CEP63: variants seen among roughly 807,000 people sequenced by gnomAD.
The protein encoded by CEP63 is centrosomal protein of 63 kDa.
Under a neutral mutation model 89.1 loss-of-function variants are expected in CEP63, and 84 were observed. The ratio of observed to expected loss-of-function variants is 0.94; its 90% CI spans 0.79 to 1.13. CEP63 has a LOEUF of 1.13. Among genes scored for constraint, CEP63 ranks in the 50% most tolerant of loss-of-function variants. CEP63 has a pLI of 0.00. For synonymous variants in CEP63, 267 were observed against 272.5 expected (o/e 0.98, Z 0.20); for missense variants, 838 against 813.3 (o/e 1.03, Z -0.37).
At chr3:134,546,433 A>G (rs1953335038) in intron 8 of CEP63, 145 bp downstream of exon 8, 3 of 739,746 alleles carry the variant, frequency 4.1e-6, no homozygotes, top group African/African-American at 1.8e-5. Context: ...ATCTCAGCTC[A>G]CTGCAACCTC....
the CEP63 span, among the ~76,000 whole-genome samples, chr3:134,750,246 G>A: frequency 6.6e-6 from 1 of 152,176 alleles, no homozygotes; most frequent in Non-Finnish European, 1.5e-5. Context: ...GTGCTGGGAA[G>A]GGCCCCTGGC....
At chr3:134,498,674 A>G (rs988800346) in intron 2 of CEP63, among the ~76,000 whole-genome samples, 12 of 152,190 alleles carry the variant, frequency 7.9e-5, no homozygotes, top group African/African-American at 2.9e-4. Context: ...CCCATCCAGT[A>G]TAATGATACC....
rs1935206902 is a variant in CEP63 at position 134,486,157 on chromosome 3, T to A, written c.-71T>A. The A allele has an allele frequency of 1.0e-6, 1 of 985,490 alleles. No individual in the cohort carries two copies. Among genetic ancestry groups the A allele is most frequent in the Admixed American group, 6.1e-5 (1 of 16,270 alleles). The allele number at this position is 985,490 out of a possible 1,614,324, so 61.0% of individuals were successfully genotyped here. ...GAACAAACGCGCCGACTACAGAGGCTGGACGTAAGCTTAGCGGTGGCGCGC... is the reference window on the plus strand; with the variant it reads ...GAACAAACGCGCCGACTACAGAGGCAGGACGTAAGCTTAGCGGTGGCGCGC... On this transcript the variant is annotated 5_prime_UTR_variant, in exon 1 of 15. Coordinates refer to ENST00000675561, the MANE Select transcript of CEP63 (RefSeq NM_001353108.3).
At chr3:134,569,426 TGGCCAAAACAAG>T (rs1363345276), downstream of CEP63, among the ~76,000 whole-genome samples, 1 of 152,212 alleles carries the variant, frequency 6.6e-6, no homozygotes, top group African/African-American at 2.4e-5. Context: ...TGGGAGAAAT[TGGCCAAAACAAG>T]GGGGCTGCAG....
the CEP63 span, among the ~76,000 whole-genome samples, chr3:134,708,138 AC>A: frequency 6.6e-6 from 1 of 152,148 alleles, no homozygotes; most frequent in Admixed American, 6.5e-5. Flanking sequence ...CAATCCTTGC[AC>A]CCTTGCTTGC....
At position 134,564,400 on chromosome 3, in the gene CEP63, TCCC is replaced by T; in HGVS notation, c.*2867_*2869del. ...TCTGGCTTGGCAAAGCTTTCCCATA[TCCC>T]CTGACCCATGTCAGGGAACGTTTCT... is the stretch of plus-strand genomic sequence containing the variant. On this transcript the variant is annotated 3_prime_UTR_variant, in exon 15 of 15. Coordinates refer to ENST00000675561, the MANE Select transcript of CEP63 (RefSeq NM_001353108.3). The T allele has an allele frequency of 1.0e-6, 1 of 985,408 alleles. No homozygotes were observed. Among genetic ancestry groups the T allele is most frequent in the Non-Finnish European group, 1.2e-6 (1 of 829,946 alleles). 61.0% of individuals were successfully genotyped at this position (985,408 alleles called of 1,614,324 possible).
At chr3:134,503,271 C>T (rs969040885) in intron 2 of CEP63, among the ~76,000 whole-genome samples, 1 of 151,862 alleles carries the variant, frequency 6.6e-6, no homozygotes, top group East Asian at 1.9e-4. Context: ...TCTTCACTGA[C>T]CCAGTGGTCA....
chr3:134,604,993 G>A, the CEP63 span, among the ~76,000 whole-genome samples: 2 of 152,052 alleles, frequency 1.3e-5, no homozygotes, highest in African/African-American at 4.8e-5. Flanking sequence ...GTTGGGGTGG[G>A]GCAGTTCCCT....
At chr3:134,490,595 G>A (rs1390178688) in intron 1 of CEP63, among the ~76,000 whole-genome samples, 1 of 151,574 alleles carries the variant, frequency 6.6e-6, no homozygotes, top group Admixed American at 6.6e-5. Context: ...TTTCAGTACT[G>A]CTTTTTTCCC....
chr3:134,707,968 T>C, the CEP63 span, among the ~76,000 whole-genome samples: 4 of 152,114 alleles, frequency 2.6e-5, no homozygotes, highest in African/African-American at 7.2e-5. Flanking sequence ...CTTTCACTGA[T>C]TGGGGTAAGA....
At chr3:134,629,305 T>G in the CEP63 span, 1 of 339,612 alleles carries the variant, frequency 2.9e-6, no homozygotes, top group African/African-American at 2.0e-5. Flanking sequence ...ACTTAGCATT[T>G]TGCATGCCAC....
the CEP63 span, among the ~76,000 whole-genome samples, chr3:134,639,538 G>A: frequency 6.6e-6 from 1 of 152,302 alleles, no homozygotes; most frequent in African/African-American, 2.4e-5. Flanking sequence ...TGGAAACATG[G>A]CAGTTTGACC....
At chr3:134,652,780 A>C in the CEP63 span, among the ~76,000 whole-genome samples, 2 of 152,162 alleles carry the variant, frequency 1.3e-5, no homozygotes, top group African/African-American at 4.8e-5. Flanking sequence ...CTCAGGTCCC[A>C]GAGTCCCCCC....
intron 1 of CEP63, among the ~76,000 whole-genome samples, chr3:134,492,070 C>CTTTTTTTTTTTTTTT (rs74269453): frequency 9.6e-6 from 1 of 103,682 alleles, no homozygotes. Flanking sequence ...TATTTGTATT[C>CTTTTTTTTTTTTTTT]TTTTTTTTTT....
the CEP63 span, among the ~76,000 whole-genome samples, chr3:134,593,441 G>C: frequency 2.0e-5 from 3 of 152,190 alleles, no homozygotes; most frequent in Non-Finnish European, 4.4e-5. Flanking sequence ...GGGAGGTTCA[G>C]TAACTTGCAC....
chr3:134,642,005 G>C, the CEP63 span, among the ~76,000 whole-genome samples: 7 of 152,168 alleles, frequency 4.6e-5, no homozygotes, highest in East Asian at 9.6e-4. Context: ...GCATGGGCTT[G>C]TCCTTGTAGT....
Position 134,561,391 on chromosome 3 carries a change from A to C in CEP63, c.1968A>C (p.Val656=). Residue 656 remains valine, a synonymous_variant, in exon 15 of 15, where the codon GTA becomes GTC. Transcript: ENST00000675561. ...GTCTCTTCCAGTGTTCCTTGCCTGT[A>C]TCTCCCCTTGGTTCAATAGCTACCA... ...EEFISSCSLP[V]SPLGSIATRF... The C allele has an allele frequency of 6.2e-7, 1 of 1,613,948 alleles. No individual in the cohort carries two copies. The highest frequency in any genetic ancestry group is 2.2e-5 in the East Asian group (1 of 44,852).
At chr3:134,620,880 T>C in the CEP63 span, 23 of 1,483,280 alleles carry the variant, frequency 1.6e-5, no homozygotes, top group Non-Finnish European at 1.6e-5. Context: ...AAGGGTGTGC[T>C]GTATTAGGGC....
At chr3:134,559,703 C>T (rs577721135) in intron 14 of CEP63, among the ~76,000 whole-genome samples, 23 of 152,206 alleles carry the variant, frequency 1.5e-4, no homozygotes, top group African/African-American at 5.5e-4. Flanking sequence ...CAGTGATGCT[C>T]AATTTTCTTC....
Sources: gnomAD v4.1 joint callset for allele counts (sites outside exome capture counted in the v4.1 genomes callset) on GRCh38, gnomAD v4.1.1 for gene constraint, MANE v1.5 for transcripts, NCBI Gene and HGNC (gene_info 2026-07-23, HGNC 2026-07-21) for gene names.